The following SRGAP1 variants were observed in gnomAD, a reference collection of about 807,000 sequenced individuals.
SRGAP1 encodes the protein SLIT-ROBO Rho GTPase activating protein 1, also known as SLIT-ROBO Rho GTPase-activating protein 1.
Under a neutral mutation model 121.9 loss-of-function variants are expected in SRGAP1, and 43 were observed. The ratio of observed to expected loss-of-function variants is 0.35; its 90% CI spans 0.28 to 0.46. The LOEUF (loss-of-function observed/expected upper bound fraction) is 0.46. Ranked by LOEUF, SRGAP1 falls within the 20% of genes least tolerant of loss-of-function variation. The pLI, the probability that SRGAP1 is intolerant of heterozygous loss-of-function variation, is 1.00. For missense variants in SRGAP1, 1,102 were observed against 1,350.9 expected, an observed-to-expected ratio of 0.82 and a Z score of 2.89; for synonymous variants, 447 against 485.4, an observed-to-expected ratio of 0.92 and a Z score of 1.04.
chr12:64,052,837 A>G (rs949974354), intron 6 of SRGAP1, among the ~76,000 whole-genome samples: 1 of 152,156 alleles, frequency 6.6e-6, no homozygotes, highest in Non-Finnish European at 1.5e-5. Flanking sequence ...TTCGTTGTGT[A>G]TCATTTATAA....
intron 6 of SRGAP1, among the ~76,000 whole-genome samples, chr12:64,051,407 A>G (rs2035237101): frequency 6.6e-6 from 1 of 152,170 alleles, no homozygotes; most frequent in East Asian, 1.9e-4. Flanking sequence ...GAAATCTACT[A>G]ATTTGGAACT....
chr12:63,973,859 A>C (rs1017638057), intron 1 of SRGAP1, among the ~76,000 whole-genome samples: 1 of 152,304 alleles, frequency 6.6e-6, no homozygotes, highest in Middle Eastern at 3.4e-3. Flanking sequence ...ATGAAACTTC[A>C]TGTTGAATTG....
chr12:64,004,120 A>G (rs547715697), intron 3 of SRGAP1, among the ~76,000 whole-genome samples: 69 of 152,306 alleles, frequency 4.5e-4, no homozygotes, highest in Non-Finnish European at 7.5e-4. Flanking sequence ...GAGAAACATT[A>G]ATGTAAGTCA....
At chr12:64,012,545 T>C (rs2034280520) in intron 3 of SRGAP1, among the ~76,000 whole-genome samples, 1 of 146,710 alleles carries the variant, frequency 6.8e-6, no homozygotes, top group Non-Finnish European at 1.5e-5. Flanking sequence ...TATTTTAAGT[T>C]ATTATCTTTT....
At chr12:64,080,510 A>G in intron 10 of SRGAP1, 140 bp downstream of exon 10, 1 of 789,052 alleles carries the variant, frequency 1.3e-6, no homozygotes, top group Non-Finnish European at 2.2e-6. Context: ...TTGTTTGTAT[A>G]TGTCATGATT....
At chr12:63,861,810 G>A (rs1186779830) in intron 1 of SRGAP1, among the ~76,000 whole-genome samples, 1 of 151,936 alleles carries the variant, frequency 6.6e-6, no homozygotes, top group Non-Finnish European at 1.5e-5. Context: ...AACATAGTGA[G>A]GCACTGTCTC....
Position 63,977,807 on chromosome 12 carries a change from TA to T in SRGAP1, c.68-6131del, listed in dbSNP as rs551054840. 5.2e-3 allele frequency among the ~76,000 whole-genome samples: 794 copies of T among 151,482 alleles called. 5 individuals carry two copies. Among genetic ancestry groups the T allele is most frequent in the African/African-American group, 0.018 (758 of 41,318 alleles). On this transcript the variant is annotated intron_variant, in intron 1 of 21. Transcript: ENST00000355086. ...GAACAGAAATGAAATAATAGTCATT[TA>T]AAAAAAAACAGTAAATTTTAGCCTC...
At position 64,150,997 on chromosome 12, in the gene SRGAP1, T is replaced by C. The variant is rs1013163280; in HGVS notation, c.*8325T>C. 1.4e-5 allele frequency: 2 copies of C among 138,670 alleles called. No homozygotes were observed. The highest frequency in any genetic ancestry group is 7.7e-5 in the Admixed American group (1 of 13,022). The allele number at this position is 138,670 out of a possible 1,614,324, so 8.6% of individuals were successfully genotyped here. ...TTTGTAATAGAAATTGCCATTTGAA[T>C]TTTGGTCTGTAAGCCCAAAGATTGT... On this transcript the variant is annotated 3_prime_UTR_variant, in exon 22 of 22. Coordinates refer to ENST00000355086, the MANE Select transcript of SRGAP1 (RefSeq NM_020762.4).
chr12:64,094,960 TG>T lies in SRGAP1; in HGVS notation c.1570del (p.Glu524LysfsTer57). The T allele has an allele frequency of 6.2e-7, 1 of 1,614,168 alleles. No individual in the cohort carries two copies. Among genetic ancestry groups the T allele is most frequent in the Non-Finnish European group, 8.5e-7 (1 of 1,180,002 alleles). On this transcript the variant is annotated frameshift_variant, in exon 13 of 22. Coordinates refer to ENST00000355086, the MANE Select transcript of SRGAP1 (RefSeq NM_020762.4). LOFTEE classifies it high-confidence loss of function. ...KDSGQVIPLI[V>X]ESCIRFINLY... is the part of the protein sequence containing the mutation. ...TCAGGACAGGTTATTCCCCTCATTG[TG>T]GAAAGCTGTATTCGGTTCATCAATC...
intron 1 of SRGAP1, among the ~76,000 whole-genome samples, chr12:63,940,495 G>A (rs975244808): frequency 2.6e-5 from 4 of 151,938 alleles, no homozygotes; most frequent in African/African-American, 9.7e-5. Flanking sequence ...TTAAGGGGGT[G>A]GGGGTTTGCT....
At chr12:63,923,208 G>A (rs928640736) in intron 1 of SRGAP1, among the ~76,000 whole-genome samples, 1 of 151,994 alleles carries the variant, frequency 6.6e-6, no homozygotes, top group Non-Finnish European at 1.5e-5. Flanking sequence ...ATGCATTATT[G>A]CCCTAAAGTT....
intron 2 of SRGAP1, 50 bp from the exon 3 acceptor site, chr12:63,989,860 T>G: frequency 6.6e-7 from 1 of 1,511,434 alleles, no homozygotes; most frequent in Non-Finnish European, 9.0e-7. Flanking sequence ...ACTCATCTGA[T>G]TGGGGCAACT....
chr12:64,098,660 ACT>A (rs1212505951), intron 15 of SRGAP1, among the ~76,000 whole-genome samples: 1 of 149,956 alleles, frequency 6.7e-6, no homozygotes, highest in Non-Finnish European at 1.5e-5. Flanking sequence ...ACAGAGCAAG[ACT>A]CTGTCTCAAA....
At chr12:64,009,437 A>C (rs1459128940) in intron 3 of SRGAP1, among the ~76,000 whole-genome samples, 1 of 152,166 alleles carries the variant, frequency 6.6e-6, no homozygotes, top group Non-Finnish European at 1.5e-5. Context: ...GTAGGATTTA[A>C]ATCTCAGTCT....
At chr12:63,979,801 C>T (rs1301684141) in intron 1 of SRGAP1, among the ~76,000 whole-genome samples, 1 of 152,132 alleles carries the variant, frequency 6.6e-6, no homozygotes, top group African/African-American at 2.4e-5. Flanking sequence ...CTAAAAACGC[C>T]TCTAAAAAGG....
intron 1 of SRGAP1, among the ~76,000 whole-genome samples, chr12:63,973,564 G>C (rs554291515): frequency 1.6e-3 from 237 of 152,136 alleles, no homozygotes; most frequent in Non-Finnish European, 5.4e-4. Flanking sequence ...AAACATCATA[G>C]GAAATCAATA....
intron 1 of SRGAP1, among the ~76,000 whole-genome samples, chr12:63,932,583 A>T (rs1267947269): frequency 1.3e-5 from 2 of 152,112 alleles, no homozygotes; most frequent in Admixed American, 1.3e-4. Context: ...AAATAATAAC[A>T]AGTAAATAAA....
At chr12:63,884,232 G>A (rs911375215) in intron 1 of SRGAP1, among the ~76,000 whole-genome samples, 4 of 152,010 alleles carry the variant, frequency 2.6e-5, no homozygotes, top group Admixed American at 1.3e-4. Context: ...GTAGTGAGCC[G>A]AGATCATGCC....
chr12:64,007,902 T>C (rs2034134914), intron 3 of SRGAP1, among the ~76,000 whole-genome samples: 1 of 152,188 alleles, frequency 6.6e-6, no homozygotes, highest in African/African-American at 2.4e-5. Context: ...TTGAATTATG[T>C]TGAGTTGACT....
Sources: allele counts gnomAD v4.1 joint callset (sites outside exome capture counted in the v4.1 genomes callset), GRCh38; gene constraint gnomAD v4.1.1; transcripts MANE v1.5; gene names NCBI Gene and HGNC (gene_info 2026-07-23, HGNC 2026-07-21).